The following USH2A variants were observed in gnomAD, a reference collection of about 807,000 sequenced individuals.
USH2A encodes the protein usherin, also known as Usher syndrome 2A (autosomal recessive, mild).
Under a neutral mutation model 538.9 loss-of-function variants are expected in USH2A, and 443 were observed. The ratio of observed to expected loss-of-function variants is 0.82; its 90% CI spans 0.76 to 0.89. The LOEUF is 0.89. USH2A is among the 40% of genes least tolerant of loss of function. USH2A has a pLI of 0.00. For missense variants in USH2A, 6,633 were observed against 6,324.8 expected (o/e 1.05, Z -1.65); for synonymous variants, 2,413 against 2,273.5 (o/e 1.06, Z -1.75).
intron 21 of USH2A, among the ~76,000 whole-genome samples, chr1:216,150,187 C>T (rs528893848): frequency 1.3e-5 from 2 of 152,242 alleles, no homozygotes; most frequent in South Asian, 4.2e-4. Context: ...AAATGCCCTA[C>T]TCTTGTTTAC....
At chr1:216,186,188 T>C (rs188996068) in intron 20 of USH2A, among the ~76,000 whole-genome samples, 3 of 150,874 alleles carry the variant, frequency 2.0e-5, no homozygotes, top group Admixed American at 6.6e-5. Context: ...TTTTGAAGAA[T>C]GAAAATTGGG....
chr1:216,122,136 C>T (rs1443900944), intron 21 of USH2A, among the ~76,000 whole-genome samples: 1 of 152,162 alleles, frequency 6.6e-6, no homozygotes, highest in Non-Finnish European at 1.5e-5. Context: ...TGGAGTAAAG[C>T]TGTCTAGAAT....
chr1:216,404,311 T>C (rs2039355530), intron 3 of USH2A, among the ~76,000 whole-genome samples: 1 of 152,150 alleles, frequency 6.6e-6, no homozygotes, highest in African/African-American at 2.4e-5. Flanking sequence ...GAAATTTATA[T>C]GGAAAATCAT....
At chr1:216,107,548 CTT>C (rs1571966860) in intron 21 of USH2A, among the ~76,000 whole-genome samples, 2 of 69,240 alleles carry the variant, frequency 2.9e-5, no homozygotes, top group East Asian at 0.011. Flanking sequence ...GTAAGTCTTG[CTT>C]ATTTAGCCAG....
intron 25 of USH2A, 102 bp from the exon 26 acceptor site, chr1:216,083,688 A>G: frequency 2.5e-6 from 3 of 1,181,922 alleles, no homozygotes; most frequent in Non-Finnish European, 3.6e-6. Context: ...CACTGAGTAA[A>G]TCTCACAAAA....
At chr1:216,152,020 A>G (rs531333) in intron 21 of USH2A, among the ~76,000 whole-genome samples, 1 of 151,840 alleles carries the variant, frequency 6.6e-6, no homozygotes, top group Non-Finnish European at 1.5e-5. Flanking sequence ...ACAATATCAC[A>G]CCTTACCACA....
intron 3 of USH2A, among the ~76,000 whole-genome samples, chr1:216,399,302 C>T (rs775177988): frequency 2.6e-5 from 4 of 152,178 alleles, no homozygotes; most frequent in Non-Finnish European, 5.9e-5. Context: ...CTTCACAGCA[C>T]AAGACCACAT....
Position 216,121,403 on chromosome 1 carries a change from G to T in USH2A, c.4628-24190C>A, listed in dbSNP as rs559821410. The stretch of plus-strand genomic sequence containing the variant: ...AATCACCTTGATTTAAATTTTGCTG[G>T]TTTTTTTCTTTTTTTTAAACAGCTA... On this transcript the variant is annotated intron_variant, in intron 21 of 71. Coordinates refer to ENST00000307340, the MANE Select transcript of USH2A (RefSeq NM_206933.4). Among the ~76,000 whole-genome samples the T allele has an allele frequency of 1.2e-3, 153 of 131,252 alleles. 3 individuals carry two copies. The South Asian group carries it at 0.033, about 28-fold the overall frequency. 86.1% of individuals were successfully genotyped at this position (131,252 alleles called of 152,430 possible).
rs760302201 is a variant in USH2A at position 215,867,018 on chromosome 1, C to T, written c.8834G>A (p.Trp2945Ter). 2.5e-6 allele frequency: 4 copies of T among 1,613,942 alleles called. No individual in the cohort carries two copies. The highest frequency in any genetic ancestry group is 3.4e-6 in the Non-Finnish European group (4 of 1,179,984). The change falls in exon 44 of 72, where the codon TGG becomes TAG. Residue 2945 changes from tryptophan (W) to a stop codon, truncating the protein, a stop_gained. Coordinates refer to ENST00000307340, the MANE Select transcript of USH2A (RefSeq NM_206933.4). LOFTEE classifies it high-confidence loss of function. ...AGAAGCTTACTTACTTGGTTTAGCC[C>T]ACCTCACGTCGATGGCTGTGTGGTT... Reference protein sequence around the residue: ...VLNHTAIDVRWAKPTVQDLQG... With the variant: ...VLNHTAIDVR
At chr1:215,998,789 T>C in intron 34 of USH2A, 98 bp downstream of exon 34, 4 of 1,402,048 alleles carry the variant, frequency 2.9e-6, no homozygotes, top group Non-Finnish European at 4.0e-6. Flanking sequence ...ATTTTGACTT[T>C]TTTTTTTTTA....
intron 52 of USH2A, among the ~76,000 whole-genome samples, chr1:215,784,021 C>A (rs1004676088): frequency 6.6e-6 from 1 of 152,152 alleles, no homozygotes; most frequent in Non-Finnish European, 1.5e-5. Flanking sequence ...ATGCAGATTG[C>A]TCTACAAATG....
intron 37 of USH2A, among the ~76,000 whole-genome samples, chr1:215,956,445 C>T (rs1001926243): frequency 6.6e-6 from 1 of 152,066 alleles, no homozygotes; most frequent in Non-Finnish European, 1.5e-5. Context: ...CAAAGCCTTC[C>T]AAAGCCAAAG....
intron 45 of USH2A, among the ~76,000 whole-genome samples, chr1:215,845,190 G>T (rs746048774): frequency 6.6e-6 from 1 of 152,074 alleles, no homozygotes; most frequent in African/African-American, 2.4e-5. Context: ...AAAAGGTGCC[G>T]ACCTTTGGCA....
At chr1:215,937,937 A>C (rs536208113) in intron 37 of USH2A, among the ~76,000 whole-genome samples, 1 of 152,206 alleles carries the variant, frequency 6.6e-6, no homozygotes, top group South Asian at 2.1e-4. Context: ...ACAAACAAAA[A>C]ACAAACACTA....
chr1:216,250,844 G>A, intron 12 of USH2A, 59 bp downstream of exon 12: 1 of 1,569,032 alleles, frequency 6.4e-7, no homozygotes, highest in Non-Finnish European at 8.7e-7. Flanking sequence ...AAATCAAATA[G>A]AGAATTTTAT....
intron 37 of USH2A, among the ~76,000 whole-genome samples, chr1:215,964,435 C>A (rs984819244): frequency 3.9e-5 from 6 of 152,088 alleles, no homozygotes; most frequent in Non-Finnish European, 7.4e-5. Flanking sequence ...CTGTTTTTTT[C>A]TTTCTTCACC....
At chr1:216,170,038 C>G (rs980207906) in intron 21 of USH2A, among the ~76,000 whole-genome samples, 38 of 151,820 alleles carry the variant, frequency 2.5e-4, no homozygotes, top group African/African-American at 8.7e-4. Flanking sequence ...TGTTGAAGGT[C>G]AGAATTAATA....
chr1:215,902,968 G>A (rs1359575655), intron 38 of USH2A, among the ~76,000 whole-genome samples: 1 of 151,968 alleles, frequency 6.6e-6, no homozygotes, highest in Non-Finnish European at 1.5e-5. Flanking sequence ...ACTAGGAAGT[G>A]AGTGTTGATA....
At chr1:216,034,225 G>A (rs1250656098) in intron 32 of USH2A, among the ~76,000 whole-genome samples, 1 of 152,102 alleles carries the variant, frequency 6.6e-6, no homozygotes. Context: ...ACAGTAATAG[G>A]GAAAATTGAG....
Sources: gnomAD v4.1 joint callset for allele counts (sites outside exome capture counted in the v4.1 genomes callset) on GRCh38, gnomAD v4.1.1 for gene constraint, MANE v1.5 for transcripts, NCBI Gene and HGNC (gene_info 2026-07-23, HGNC 2026-07-21) for gene names.